Variants in CNGB3 observed in about 807,000 individuals in gnomAD.
The protein encoded by CNGB3 is cyclic nucleotide gated channel subunit beta 3.
In CNGB3, 86 loss-of-function variants were observed where a neutral mutation model predicts 92.8. The observed-to-expected ratio is 0.93, with a 90% CI of 0.78 to 1.11. CNGB3 has a LOEUF of 1.11. Among genes scored for constraint, CNGB3 ranks in the 50% least tolerant of loss-of-function variants. CNGB3 has a pLI of 0.00. For synonymous variants in CNGB3, 333 were observed against 332.7 expected, an observed-to-expected ratio of 1.00 and a Z score of -0.01; for missense variants, 1,026 against 956.8, an observed-to-expected ratio of 1.07 and a Z score of -0.95.
intron 15 of CNGB3, among the ~76,000 whole-genome samples, chr8:86,592,924 T>G (rs1489725278): frequency 6.6e-6 from 1 of 152,188 alleles, no homozygotes; most frequent in African/African-American, 2.4e-5. Flanking sequence ...ACTTTAAAAC[T>G]TGACTAAAAA....
chr8:86,724,002 A>G (rs315959), intron 3 of CNGB3, among the ~76,000 whole-genome samples: 135,652 of 152,148 alleles, frequency 0.89, 60,767 homozygotes, highest in East Asian at 1. Flanking sequence ...CACGTTGAAG[A>G]AAACAATAGA....
intron 2 of CNGB3, among the ~76,000 whole-genome samples, chr8:86,731,812 A>C (rs752824710): frequency 2.4e-4 from 36 of 152,146 alleles, no homozygotes; most frequent in Admixed American, 6.5e-5. Context: ...TATAAACACA[A>C]AGTGTTCCAT....
chr8:86,689,196 C>CAT (rs1824249777), intron 3 of CNGB3, among the ~76,000 whole-genome samples: 1 of 151,330 alleles, frequency 6.6e-6, no homozygotes, highest in Admixed American at 6.6e-5. Context: ...TGTGGCCTAA[C>CAT]ATATGGTCTA....
chr8:86,731,219 A>G (rs1825149178), intron 2 of CNGB3, among the ~76,000 whole-genome samples: 1 of 152,210 alleles, frequency 6.6e-6, no homozygotes. Flanking sequence ...CACAAAATGC[A>G]CTGCTTTGTG....
chr8:86,723,597 A>C (rs1324666876), intron 3 of CNGB3, among the ~76,000 whole-genome samples: 2 of 152,134 alleles, frequency 1.3e-5, no homozygotes, highest in Non-Finnish European at 2.9e-5. Context: ...TTGGAACAGA[A>C]AGCTTTGGTC....
intron 6 of CNGB3, chr8:86,661,411 A>C (rs539475428): frequency 3.0e-4 from 136 of 454,940 alleles, no homozygotes; most frequent in African/African-American, 2.5e-3. Context: ...GAGGACAAAA[A>C]AATTCCAGCA....
At chr8:86,692,858 G>A (rs1049350796) in intron 3 of CNGB3, among the ~76,000 whole-genome samples, 1 of 151,904 alleles carries the variant, frequency 6.6e-6, no homozygotes, top group African/African-American at 2.4e-5. Flanking sequence ...TTCCATTTTG[G>A]TGTATTTTGA....
chr8:86,728,320 A>C (rs1409206382), intron 2 of CNGB3, among the ~76,000 whole-genome samples: 1 of 152,170 alleles, frequency 6.6e-6, no homozygotes, highest in Non-Finnish European at 1.5e-5. Context: ...GTGGTACACT[A>C]ATGAGTTTAT....
chr8:86,576,402 C>T (rs1002584373), intron 17 of CNGB3, among the ~76,000 whole-genome samples: 16 of 152,188 alleles, frequency 1.1e-4, no homozygotes, highest in African/African-American at 3.9e-4. Context: ...GGTCCTTATA[C>T]TCTCTGAATT....
rs1823692813 is a variant in CNGB3, at chr8:86,663,940, A to G, written c.852+2985T>C. Among the ~76,000 whole-genome samples the G allele has an allele frequency of 1.3e-5, 2 of 152,174 alleles. 1 individual carries two copies. Among genetic ancestry groups the G allele is most frequent in the South Asian group, 4.1e-4 (2 of 4,824 alleles). ...AAAGCCTCTTAGAAAATTGAAAATAAAAGTCTCCCTTTACTGATTTTGTCA... is the reference window on the plus strand; with the variant it reads ...AAAGCCTCTTAGAAAATTGAAAATAGAAGTCTCCCTTTACTGATTTTGTCA... On this transcript the variant is annotated intron_variant, in intron 6 of 17. Coordinates refer to ENST00000320005, the MANE Select transcript of CNGB3 (RefSeq NM_019098.5).
At chr8:86,618,174 A>G (rs1822653571) in intron 13 of CNGB3, among the ~76,000 whole-genome samples, 1 of 152,200 alleles carries the variant, frequency 6.6e-6, no homozygotes, top group Non-Finnish European at 1.5e-5. Context: ...TTGGGTGGTA[A>G]TGCCAGCAAT....
intron 3 of CNGB3, among the ~76,000 whole-genome samples, chr8:86,678,561 G>T (rs1332971943): frequency 6.6e-6 from 1 of 152,054 alleles, no homozygotes; most frequent in Non-Finnish European, 1.5e-5. Flanking sequence ...ATGCATGTAT[G>T]GTTCCAACAC....
intron 15 of CNGB3, among the ~76,000 whole-genome samples, chr8:86,584,833 T>C (rs867812517): frequency 3.3e-5 from 5 of 152,284 alleles, no homozygotes; most frequent in Non-Finnish European, 5.9e-5. Context: ...CATAAAGACT[T>C]TTTTGATTTC....
At chr8:86,690,634 A>C (rs1297558094) in intron 3 of CNGB3, among the ~76,000 whole-genome samples, 1 of 152,152 alleles carries the variant, frequency 6.6e-6, no homozygotes, top group Non-Finnish European at 1.5e-5. Context: ...GTCCTTGCCC[A>C]TGCCTATGTC....
chr8:86,600,418 G>A (rs1257015558), intron 15 of CNGB3, among the ~76,000 whole-genome samples: 2 of 152,136 alleles, frequency 1.3e-5, no homozygotes, highest in African/African-American at 2.4e-5. Flanking sequence ...TATGCCATAA[G>A]GGGACCCAAA....
chr8:86,620,175 A>G (rs2131575634), intron 13 of CNGB3, among the ~76,000 whole-genome samples: 1 of 152,350 alleles, frequency 6.6e-6, no homozygotes, highest in African/African-American at 2.4e-5. Flanking sequence ...CAATGACCTC[A>G]GTCAGGTAAG....
intron 13 of CNGB3, among the ~76,000 whole-genome samples, chr8:86,621,209 T>G (rs2131576458): frequency 6.6e-6 from 1 of 152,332 alleles, no homozygotes; most frequent in Admixed American, 6.5e-5. Flanking sequence ...AGTTACTTAC[T>G]GTCACTTATT....
At chr8:86,662,094 AG>A (rs1327806424) in intron 6 of CNGB3, among the ~76,000 whole-genome samples, 1 of 152,222 alleles carries the variant, frequency 6.6e-6, no homozygotes, top group African/African-American at 2.4e-5. Flanking sequence ...CAGTCCGCAA[AG>A]CTGAGCATGG....
At chr8:86,612,650 A>C (rs1822543978) in intron 13 of CNGB3, among the ~76,000 whole-genome samples, 1 of 152,226 alleles carries the variant, frequency 6.6e-6, no homozygotes, top group Non-Finnish European at 1.5e-5. Flanking sequence ...TTTAGACTTC[A>C]GGGTTGCTTG....
Sources: allele counts gnomAD v4.1 joint callset (sites outside exome capture counted in the v4.1 genomes callset), GRCh38; gene constraint gnomAD v4.1.1; transcripts MANE v1.5; gene names NCBI Gene and HGNC (gene_info 2026-07-23, HGNC 2026-07-21).